The following CUL9 variants were observed in gnomAD, a reference collection of about 807,000 sequenced individuals.
CUL9 encodes cullin 9.
CUL9 carries 79 observed loss-of-function variants against 272.6 expected under a neutral mutation model. The ratio of observed to expected loss-of-function variants is 0.29; its 90% CI spans 0.24 to 0.35. The LOEUF (loss-of-function observed/expected upper bound fraction) is 0.35. CUL9 is among the 10% of genes least tolerant of loss of function. The pLI is 1.00. For synonymous variants in CUL9, 1,186 were observed against 1,286.5 expected (o/e 0.92, Z 1.67); for missense variants, 2,532 against 3,255.6 (o/e 0.78, Z 5.41).
chr6:43,215,042 A>T, intron 29 of CUL9, 37 bp from the exon 30 acceptor site: 1 of 1,556,040 alleles, frequency 6.4e-7, no homozygotes, highest in Non-Finnish European at 8.7e-7. Context: ...TGCTCCCTAC[A>T]TAAAAGTGGA....
intron 26 of CUL9, among the ~76,000 whole-genome samples, chr6:43,210,683 C>T (rs1582399445): frequency 3.3e-5 from 5 of 152,164 alleles, no homozygotes; most frequent in Admixed American, 3.3e-4. Context: ...CTGACAATCT[C>T]TTTTTAAGAT....
At chr6:43,191,329 CA>C (rs1488563408) in intron 8 of CUL9, among the ~76,000 whole-genome samples, 1 of 121,812 alleles carries the variant, frequency 8.2e-6, no homozygotes, top group Non-Finnish European at 1.7e-5. Flanking sequence ...TTTTGTTTTT[CA>C]GAGACAGGGT....
Position 43,203,895 on chromosome 6 carries a change from G to A in CUL9, c.4067G>A (p.Arg1356His), listed in dbSNP as rs1273543068. 20 of 1,613,338 alleles carry A rather than the reference G, an allele frequency of 1.2e-5. No individual in the cohort carries two copies. The highest frequency in any genetic ancestry group is 3.3e-5 in the Admixed American group (2 of 59,968). ...VLRHEQNFAD[R>H]FLPDDEAAQA... is the part of the protein sequence containing the mutation. ...CGCCACGAGCAGAATTTTGCTGACC[G>A]CTTCCTCCCTGATGATGAGGCCGCC... Residue 1356 changes from arginine (R) to histidine (H), a missense_variant, in exon 20 of 41, where the codon CGC becomes CAC. Arg to His is a conservative substitution (Grantham distance 29). Around this residue, in one of 3 missense-constraint regions of CUL9, gnomAD observed 2,218 missense variants for 2,788.6 expected, o/e 0.80. Coordinates refer to ENST00000252050, the MANE Select transcript of CUL9 (RefSeq NM_015089.4). This position sits in a 1 kb window ranked among gnomAD's most constrained non-coding sequence, Gnocchi z 5.0.
chr6:43,196,039 C>A (rs182466689), intron 9 of CUL9, 30 bp from the exon 10 acceptor site: 4 of 1,590,942 alleles, frequency 2.5e-6, no homozygotes, highest in East Asian at 4.5e-5. Context: ...TCTGCCCCCT[C>A]CTCACTCTGC....
In CUL9 at chr6:43,202,749, A is replaced by G; in HGVS notation, c.3681A>G (p.Ser1227=). ...CTTTGCTGGTGGCCAGTGAGGACTCAAGCTACATGCCAGCCAGGGTGGTGG... is the reference window on the plus strand; with the variant it reads ...CTTTGCTGGTGGCCAGTGAGGACTCGAGCTACATGCCAGCCAGGGTGGTGG... The part of the protein sequence containing the change: ...QLTLLVASED[S]SYMPARVVVF... The change falls in exon 17 of 41, where the codon TCA becomes TCG. Residue 1227 remains serine, a synonymous_variant. Coordinates refer to ENST00000252050, the MANE Select transcript of CUL9 (RefSeq NM_015089.4). 6 of 1,614,108 alleles carry G rather than the reference A, an allele frequency of 3.7e-6. No individual in the cohort carries two copies. The highest frequency in any genetic ancestry group is 5.1e-6 in the Non-Finnish European group (6 of 1,180,004).
rs1204060220 is a variant in CUL9, at chr6:43,206,539, ATCGGGGTGAGAT to A, written c.5212+38_5212+49del. ...AGGAACTAGGGAGAGGAAATTGGAG[ATCGGGGTGAGAT>A]TCGGGGTGGCAAGAGAGGAAGAGGA... On this transcript the variant is annotated intron_variant, in intron 26 of 40. Coordinates refer to ENST00000252050, the MANE Select transcript of CUL9 (RefSeq NM_015089.4). This position sits in a 1 kb window ranked among gnomAD's most constrained non-coding sequence, Gnocchi z 4.8. 2 of 1,608,410 alleles carry A rather than the reference ATCGGGGTGAGAT, an allele frequency of 1.2e-6. No homozygotes were observed. The highest frequency in any genetic ancestry group is 1.7e-6 in the Non-Finnish European group (2 of 1,174,888).
In CUL9 at chr6:43,202,944, G is replaced by C. The variant is rs1030847752; in HGVS notation, c.3753+123G>C. 13 of 1,227,794 alleles carry C rather than the reference G, an allele frequency of 1.1e-5. No individual in the cohort carries two copies. In the African/African-American group the frequency reaches 1.6e-4, roughly 15 times the overall value. 76.1% of individuals were successfully genotyped at this position (1,227,794 alleles called of 1,614,324 possible). ...CTTCCCCTTGGGAAGGTGTTGCCTT[G>C]TAAGCAGTGAGAGTGGGATTAGGGA... is the stretch of plus-strand genomic sequence containing the variant. On this transcript the variant is annotated intron_variant, in intron 17 of 40. Transcript: ENST00000252050.
chr6:43,212,526 C>A (rs1361229951), intron 26 of CUL9, among the ~76,000 whole-genome samples: 1 of 152,146 alleles, frequency 6.6e-6, no homozygotes, highest in Non-Finnish European at 1.5e-5. Flanking sequence ...ATTTTTAACT[C>A]ATTTTAAAAA....
At chr6:43,194,220 G>A (rs1773787532) in intron 9 of CUL9, among the ~76,000 whole-genome samples, 1 of 152,206 alleles carries the variant, frequency 6.6e-6, no homozygotes, top group Non-Finnish European at 1.5e-5. Flanking sequence ...CAGCATGAAC[G>A]GGAGCATGTG....
chr6:43,224,229 G>C lies in CUL9; in HGVS notation c.7359-21G>C. The C allele has an allele frequency of 3.1e-6, 5 of 1,614,178 alleles. No homozygotes were observed. The highest frequency in any genetic ancestry group is 1.7e-4 in the Middle Eastern group (1 of 6,040). ...GGGACATGGCAGCCTCCTCTGGGCT[G>C]AGTGTGGTGGCTCTCCCTAGGCCCC... On this transcript the variant is annotated intron_variant, in intron 40 of 40. Transcript: ENST00000252050. This position sits in a 1 kb window ranked among gnomAD's most constrained non-coding sequence, Gnocchi z 4.2.
chr6:43,219,354 A>G (rs1235566792), intron 31 of CUL9, among the ~76,000 whole-genome samples: 1 of 152,204 alleles, frequency 6.6e-6, no homozygotes, highest in Admixed American at 6.5e-5. Flanking sequence ...GAGCCCCACC[A>G]CTTGGGTTGG....
chr6:43,211,378 C>T (rs1015653333), intron 26 of CUL9, among the ~76,000 whole-genome samples: 1 of 152,030 alleles, frequency 6.6e-6, no homozygotes, highest in African/African-American at 2.4e-5. Context: ...GCCAAGATGG[C>T]GAAACCCTGT....
At chr6:43,194,532 G>A (rs1334627586) in intron 9 of CUL9, among the ~76,000 whole-genome samples, 1 of 151,502 alleles carries the variant, frequency 6.6e-6, no homozygotes, top group African/African-American at 2.4e-5. Context: ...TGTTTGCCAG[G>A]ATGGTCTCAA....
rs1774391613 is a variant in CUL9, at chr6:43,200,172, G to C, written c.3384+16G>C. On this transcript the variant is annotated intron_variant, in intron 14 of 40. Coordinates refer to ENST00000252050, the MANE Select transcript of CUL9 (RefSeq NM_015089.4). This position sits in a 1 kb window ranked among gnomAD's most constrained non-coding sequence, Gnocchi z 4.0. ...CTGCATTCAGGTGAGGAGCGGCTGT[G>C]GGTATGCAGCTGAGAGAATGCAAGT... is the stretch of plus-strand genomic sequence containing the variant. 3 of 1,606,860 alleles carry C rather than the reference G, an allele frequency of 1.9e-6. No homozygotes were observed. Among genetic ancestry groups the C allele is most frequent in the Non-Finnish European group, 2.6e-6 (3 of 1,174,428 alleles).
chr6:43,196,008 C>T, intron 9 of CUL9, 61 bp from the exon 10 acceptor site: 1 of 1,444,528 alleles, frequency 6.9e-7, no homozygotes, highest in Non-Finnish European at 9.6e-7. Context: ...TAGAATGAGG[C>T]CTACCTTTCC....
Position 43,223,333 on chromosome 6 carries a change from C to T in CUL9, c.7220C>T (p.Thr2407Met), listed in dbSNP as rs368636666. ...LRLLRADCLS[T>M]GMELLRRIQE... ...CTCCTGCGGGCCGACTGCCTCAGCACGGGCATGGAGCTGCTCCGGCGGATC... is the reference window on the plus strand; with the variant it reads ...CTCCTGCGGGCCGACTGCCTCAGCATGGGCATGGAGCTGCTCCGGCGGATC... The change falls in exon 39 of 41, where the codon ACG becomes ATG. Residue 2407 changes from threonine to methionine, a missense_variant. Around this residue, in one of 3 missense-constraint regions of CUL9, gnomAD observed 237 missense variants for 305.9 expected, o/e 0.77. Coordinates refer to ENST00000252050, the MANE Select transcript of CUL9 (RefSeq NM_015089.4). This position sits in a 1 kb window ranked among gnomAD's most constrained non-coding sequence, Gnocchi z 4.1. 9.4e-6 allele frequency: 15 copies of T among 1,602,406 alleles called. No individual in the cohort carries two copies. Among genetic ancestry groups the T allele is most frequent in the South Asian group, 3.4e-5 (3 of 88,776 alleles).
intron 29 of CUL9, 137 bp from the exon 30 acceptor site, chr6:43,214,942 A>G: frequency 1.0e-6 from 1 of 970,854 alleles, no homozygotes; most frequent in South Asian, 1.7e-5. Flanking sequence ...AGGCCACTGC[A>G]CTCTGGCCTG....
In CUL9 at chr6:43,222,511, A is replaced by G; in HGVS notation, c.6922-20A>G. 2 of 1,613,282 alleles carry G rather than the reference A, an allele frequency of 1.2e-6. No individual in the cohort carries two copies. Among genetic ancestry groups the G allele is most frequent in the Non-Finnish European group, 1.7e-6 (2 of 1,179,392 alleles). ...TGCTGCGCCACCTGTGCTGGTACTG[A>G]TACACCTTCCTCCACACAGGAGTTT... On this transcript the variant is annotated intron_variant, in intron 36 of 40. Transcript: ENST00000252050.
chr6:43,188,983 C>A (rs1177554114), intron 8 of CUL9: 1 of 316,242 alleles, frequency 3.2e-6, no homozygotes, highest in Non-Finnish European at 5.8e-6. Context: ...ATATTATTAT[C>A]CTACTATATG....
Sources: allele counts gnomAD v4.1 joint callset (sites outside exome capture counted in the v4.1 genomes callset), GRCh38; gene constraint gnomAD v4.1.1; regional missense constraint gnomAD v4.1.1; non-coding constraint Gnocchi (gnomAD v3.1); transcripts MANE v1.5; gene names NCBI Gene and HGNC (gene_info 2026-07-23, HGNC 2026-07-21).